Variants in SPRED2 observed in about 807,000 individuals in gnomAD.
SPRED2 encodes the protein sprouty related EVH1 domain containing 2.
In SPRED2, 47 loss-of-function variants were observed where a neutral mutation model predicts 43.0. That is an observed-to-expected ratio of 1.09 (90% CI 0.87 to 1.40). SPRED2 has a LOEUF of 1.40. Among genes scored for constraint, SPRED2 ranks in the 40% most tolerant of loss-of-function variants. The pLI is 0.00. For missense variants in SPRED2, 561 were observed against 586.4 expected, an observed-to-expected ratio of 0.96 and a Z score of 0.45; for synonymous variants, 225 against 225.7, an observed-to-expected ratio of 1.00 and a Z score of 0.03.
In SPRED2 at chr2:65,432,207, C is replaced by T; in HGVS notation, c.-220G>A. On this transcript the variant is annotated 5_prime_UTR_variant, in exon 1 of 6. Coordinates refer to ENST00000356388, the MANE Select transcript of SPRED2 (RefSeq NM_181784.3). ...CAGGCTGCGCGGGGAGTGAACGCCGCAGCGCCGTGGGGAGAGGCGGGCGGA... is the reference window on the plus strand; with the variant it reads ...CAGGCTGCGCGGGGAGTGAACGCCGTAGCGCCGTGGGGAGAGGCGGGCGGA... 1 of 594,726 alleles carries T rather than the reference C, an allele frequency of 1.7e-6. No homozygotes were observed. Among genetic ancestry groups the T allele is most frequent in the Non-Finnish European group, 3.0e-6 (1 of 334,592 alleles). 36.8% of individuals were successfully genotyped at this position (594,726 alleles called of 1,614,324 possible). A position where few individuals can be genotyped will look rare whatever the true frequency, so the allele number is the denominator to read the frequency against.
chr2:65,388,071 G>A (rs575688899), intron 1 of SPRED2, among the ~76,000 whole-genome samples: 3 of 152,340 alleles, frequency 2.0e-5, no homozygotes, highest in South Asian at 2.1e-4. Flanking sequence ...TTACAGGCAT[G>A]AGCCACCACG....
chr2:65,355,472 T>C (rs1288665759), intron 1 of SPRED2, among the ~76,000 whole-genome samples: 1 of 152,162 alleles, frequency 6.6e-6, no homozygotes, highest in Non-Finnish European at 1.5e-5. Flanking sequence ...ATCCTAGCAC[T>C]TTGGGGGGAC....
In SPRED2 at chr2:65,312,303, C is replaced by T; in HGVS notation, c.*1198G>A. ...GTTTTTACATATGGCCTTGTTTTTT[C>T]CCCAAGTATAAATGAGGAATTTGGT... On this transcript the variant is annotated 3_prime_UTR_variant, in exon 6 of 6. Coordinates refer to ENST00000356388, the MANE Select transcript of SPRED2 (RefSeq NM_181784.3). The T allele has an allele frequency of 1.0e-6, 1 of 985,300 alleles. No individual in the cohort carries two copies. The highest frequency in any genetic ancestry group is 1.2e-6 in the Non-Finnish European group (1 of 829,912). The allele number at this position is 985,300 out of a possible 1,614,324, so 61.0% of individuals were successfully genotyped here.
chr2:65,403,215 A>G (rs975055620), intron 1 of SPRED2, among the ~76,000 whole-genome samples: 7 of 152,256 alleles, frequency 4.6e-5, no homozygotes, highest in Non-Finnish European at 8.8e-5. Context: ...CAACTATTAA[A>G]TATTTCCAGA....
intron 1 of SPRED2, among the ~76,000 whole-genome samples, chr2:65,389,805 A>T (rs1282465601): frequency 6.6e-6 from 1 of 152,254 alleles, no homozygotes; most frequent in African/African-American, 2.4e-5. Flanking sequence ...TGCCATACAC[A>T]GACTTTGAAG....
chr2:65,347,863 C>A (rs1304960566), intron 1 of SPRED2, among the ~76,000 whole-genome samples: 1 of 152,116 alleles, frequency 6.6e-6, no homozygotes, highest in African/African-American at 2.4e-5. Context: ...ATCCAGGATC[C>A]ACTTTTTCCA....
chr2:65,400,244 T>C (rs906297392), intron 1 of SPRED2, among the ~76,000 whole-genome samples: 2 of 152,246 alleles, frequency 1.3e-5, no homozygotes, highest in African/African-American at 4.8e-5. Flanking sequence ...TATGATTATA[T>C]AAATATTCAG....
At chr2:65,324,282 G>A (rs1307977252) in intron 4 of SPRED2, among the ~76,000 whole-genome samples, 1 of 152,110 alleles carries the variant, frequency 6.6e-6, no homozygotes. Context: ...ACTCCATGGA[G>A]CTTCAAAACT....
At chr2:65,320,184 T>C (rs1413210747) in intron 4 of SPRED2, among the ~76,000 whole-genome samples, 2 of 152,236 alleles carry the variant, frequency 1.3e-5, no homozygotes, top group Non-Finnish European at 2.9e-5. Context: ...ACAGCCACGT[T>C]ACAGTCATCT....
intron 1 of SPRED2, among the ~76,000 whole-genome samples, chr2:65,374,676 TC>T (rs1321282776): frequency 6.6e-6 from 1 of 152,246 alleles, no homozygotes; most frequent in Non-Finnish European, 1.5e-5. Flanking sequence ...TGAAAATTCT[TC>T]CTGGCTCTGC....
chr2:65,406,338 T>C (rs1676023155), intron 1 of SPRED2, among the ~76,000 whole-genome samples: 1 of 152,172 alleles, frequency 6.6e-6, no homozygotes, highest in African/African-American at 2.4e-5. Flanking sequence ...TTCTTATAAT[T>C]TACTCTTTAT....
intron 1 of SPRED2, among the ~76,000 whole-genome samples, chr2:65,422,664 C>T (rs1676458478): frequency 6.6e-6 from 1 of 152,130 alleles, no homozygotes; most frequent in African/African-American, 2.4e-5. Flanking sequence ...CACAGTATAT[C>T]ACACTCCAAA....
chr2:65,409,899 G>A (rs191402739), intron 1 of SPRED2, among the ~76,000 whole-genome samples: 21 of 151,858 alleles, frequency 1.4e-4, no homozygotes, highest in African/African-American at 3.1e-4. Context: ...GTGTGGTGGC[G>A]CGTGCCTGTA....
At chr2:65,401,937 G>GCGCGCACGCACACACACACACA (rs776512353) in intron 1 of SPRED2, among the ~76,000 whole-genome samples, 3 of 114,714 alleles carry the variant, frequency 2.6e-5, no homozygotes, top group African/African-American at 1.0e-4. Context: ...GCGCGCGCGC[G>GCGCGCACGCACACACACACACA]CACACACACA....
At chr2:65,426,468 G>C (rs1050200124) in intron 1 of SPRED2, among the ~76,000 whole-genome samples, 7 of 152,206 alleles carry the variant, frequency 4.6e-5, no homozygotes, top group African/African-American at 1.4e-4. Context: ...CTAGGCATTT[G>C]AGAAGTAACC....
intron 1 of SPRED2, among the ~76,000 whole-genome samples, chr2:65,379,910 C>T (rs1015654725): frequency 1.3e-5 from 2 of 152,154 alleles, no homozygotes; most frequent in Non-Finnish European, 2.9e-5. Flanking sequence ...TTTGCTTTAT[C>T]GTGTTCCATG....
In SPRED2 at chr2:65,313,889, G is replaced by T. The variant is rs757985701; in HGVS notation, c.869C>A (p.Thr290Lys). The T allele has an allele frequency of 6.2e-7, 1 of 1,610,240 alleles. No homozygotes were observed. The highest frequency in any genetic ancestry group is 8.5e-7 in the Non-Finnish European group (1 of 1,179,872). ...PKGRGGSVIK[T>K]QPSRGKSRRR... Reference sequence around the variant, plus strand: ...CCGCGACTTGCCCCGGGAGGGCTGCGTCTTGATCACGCTGCCCCCGCGGCC... The same window carrying T: ...CCGCGACTTGCCCCGGGAGGGCTGCTTCTTGATCACGCTGCCCCCGCGGCC... Residue 290 changes from threonine to lysine, a missense_variant, in exon 6 of 6, where the codon ACG becomes AAG. By Grantham distance (78) the Thr-to-Lys change is moderately conservative (BLOSUM62 -1). Coordinates refer to ENST00000356388, the MANE Select transcript of SPRED2 (RefSeq NM_181784.3).
At position 65,312,660 on chromosome 2, in the gene SPRED2, T is replaced by C. The variant is rs948168195; in HGVS notation, c.*841A>G. On this transcript the variant is annotated 3_prime_UTR_variant, in exon 6 of 6. Coordinates refer to ENST00000356388, the MANE Select transcript of SPRED2 (RefSeq NM_181784.3). ...ACACAATTTAAAAAATGTTCTACTTTAGGGGTAATGGGGAGGCTCATAGAA... is the reference window on the plus strand; with the variant it reads ...ACACAATTTAAAAAATGTTCTACTTCAGGGGTAATGGGGAGGCTCATAGAA... The C allele has an allele frequency of 7.1e-6, 7 of 985,796 alleles. No individual in the cohort carries two copies. The African/African-American group carries it at 1.0e-4, about 15-fold the overall frequency. The allele number at this position is 985,796 out of a possible 1,614,324, so 61.1% of individuals were successfully genotyped here.
At chr2:65,398,436 T>C (rs1258062896) in intron 1 of SPRED2, among the ~76,000 whole-genome samples, 3 of 152,050 alleles carry the variant, frequency 2.0e-5, no homozygotes, top group Non-Finnish European at 4.4e-5. Flanking sequence ...TCAGCACAGT[T>C]AGCAGACAAC....
Sources: allele counts gnomAD v4.1 joint callset (sites outside exome capture counted in the v4.1 genomes callset), GRCh38; gene constraint gnomAD v4.1.1; transcripts MANE v1.5; gene names NCBI Gene and HGNC (gene_info 2026-07-23, HGNC 2026-07-21).